Variants in SLC39A9 observed in about 807,000 individuals in gnomAD.
SLC39A9 encodes solute carrier family 39 member 9.
Under a neutral mutation model 28.4 loss-of-function variants are expected in SLC39A9, and 14 were observed. The observed-to-expected ratio is 0.49, with a 90% CI of 0.33 to 0.77. The LOEUF is 0.77. Among genes scored for constraint, SLC39A9 ranks in the 30% least tolerant of loss-of-function variants. The pLI is 0.02. For synonymous variants in SLC39A9, 119 were observed against 149.6 expected, an observed-to-expected ratio of 0.80 and a Z score of 1.49; for missense variants, 283 against 381.1, an observed-to-expected ratio of 0.74 and a Z score of 2.14.
chr14:69,418,361 G>A (rs1883687437), intron 1 of SLC39A9, among the ~76,000 whole-genome samples: 1 of 151,870 alleles, frequency 6.6e-6, no homozygotes, highest in African/African-American at 2.4e-5. Context: ...GCTGCATTTG[G>A]TTTGCATCCT....
intron 4 of SLC39A9, 141 bp downstream of exon 4, chr14:69,453,450 C>G (rs144985312): frequency 4.3e-5 from 28 of 657,808 alleles, no homozygotes; most frequent in African/African-American, 4.0e-4. Context: ...TCCTCCAACA[C>G]AAGCACAAGC....
intron 6 of SLC39A9, among the ~76,000 whole-genome samples, chr14:69,457,205 C>T (rs910252619): frequency 6.6e-6 from 1 of 151,316 alleles, no homozygotes; most frequent in African/African-American, 2.4e-5. Flanking sequence ...CACACACACA[C>T]ATTTTTTTTT....
intron 1 of SLC39A9, 82 bp from the exon 2 acceptor site, chr14:69,424,012 C>T (rs1884047982): frequency 1.1e-6 from 1 of 932,230 alleles, no homozygotes; most frequent in Non-Finnish European, 1.7e-6. Context: ...GAGCAGCTCA[C>T]AGTCTTGATT....
intron 3 of SLC39A9, 53 bp downstream of exon 3, chr14:69,442,319 G>A: frequency 6.6e-7 from 1 of 1,522,642 alleles, no homozygotes; most frequent in African/African-American, 1.4e-5. Flanking sequence ...AGTTGAGAAA[G>A]TTACAAACGA....
At chr14:69,439,339 A>G (rs1566920052) in intron 2 of SLC39A9, among the ~76,000 whole-genome samples, 1 of 152,192 alleles carries the variant, frequency 6.6e-6, no homozygotes, top group African/African-American at 2.4e-5. Context: ...AATTTTTAAA[A>G]AAATAATAAT....
intron 2 of SLC39A9, 102 bp from the exon 3 acceptor site, chr14:69,441,967 A>T (rs933113284): frequency 6.8e-7 from 1 of 1,474,518 alleles, no homozygotes; most frequent in Non-Finnish European, 8.9e-7. Flanking sequence ...ATGTCTTTAC[A>T]GTAAAGTAAG....
chr14:69,428,075 C>T (rs1280491821), intron 2 of SLC39A9, among the ~76,000 whole-genome samples: 2 of 152,206 alleles, frequency 1.3e-5, no homozygotes, highest in East Asian at 3.9e-4. Context: ...GTCAAGAGAT[C>T]GAGACCATCC....
chr14:69,430,630 T>TTC (rs1424739755), intron 2 of SLC39A9, among the ~76,000 whole-genome samples: 5 of 148,812 alleles, frequency 3.4e-5, no homozygotes, highest in East Asian at 2.0e-4. Flanking sequence ...TTTTCTTTCT[T>TTC]TTTTTTTTTT....
intron 3 of SLC39A9, among the ~76,000 whole-genome samples, chr14:69,450,673 G>A (rs1230208870): frequency 3.3e-5 from 5 of 152,152 alleles, no homozygotes; most frequent in African/African-American, 7.2e-5. Context: ...AGCTACTCAG[G>A]TGGCTGAGAT....
chr14:69,455,731 G>T lies in SLC39A9; in HGVS notation c.559-1G>T. The T allele has an allele frequency of 6.2e-7, 1 of 1,613,860 alleles. No homozygotes were observed. Among genetic ancestry groups the T allele is most frequent in the Non-Finnish European group, 8.5e-7 (1 of 1,179,932 alleles). On this transcript the variant is annotated splice_acceptor_variant, in intron 5 of 6. Transcript: ENST00000336643. LOFTEE classifies it high-confidence loss of function. ...AATAAGAGATGATTTTTTATTTCCAGGCACCAGCTGCTTTTGGACTGGTTT... is the reference window on the plus strand; with the variant it reads ...AATAAGAGATGATTTTTTATTTCCATGCACCAGCTGCTTTTGGACTGGTTT...
At chr14:69,458,341 CT>C in intron 6 of SLC39A9, 21 bp from the exon 7 acceptor site, 2 of 1,609,630 alleles carry the variant, frequency 1.2e-6, no homozygotes, top group South Asian at 1.1e-5. Flanking sequence ...AGTTTTTCCT[CT>C]TTCTCTCTTC....
intron 1 of SLC39A9, among the ~76,000 whole-genome samples, chr14:69,418,882 A>G (rs1305051772): frequency 6.6e-6 from 1 of 152,062 alleles, no homozygotes; most frequent in African/African-American, 2.4e-5. Context: ...TATTGCATCT[A>G]TTTGATTCAT....
At chr14:69,415,954 G>T (rs1883552645) in intron 1 of SLC39A9, among the ~76,000 whole-genome samples, 1 of 151,994 alleles carries the variant, frequency 6.6e-6, no homozygotes, top group South Asian at 2.1e-4. Flanking sequence ...AAGTTATAGG[G>T]TACATGTGCA....
intron 1 of SLC39A9, 107 bp from the exon 2 acceptor site, chr14:69,423,987 G>T: frequency 1.5e-6 from 1 of 681,942 alleles, no homozygotes; most frequent in Non-Finnish European, 2.6e-6. Flanking sequence ...TATTGTAGAT[G>T]TTGGTCTCAC....
chr14:69,399,497 A>G, intron 1 of SLC39A9, 32 bp downstream of exon 1: 2 of 1,583,254 alleles, frequency 1.3e-6, no homozygotes, highest in Non-Finnish European at 8.7e-7. Context: ...GTCAGCTGTC[A>G]GGATGGCTGT....
chr14:69,432,723 T>A (rs1197496717), intron 2 of SLC39A9, among the ~76,000 whole-genome samples: 3 of 152,320 alleles, frequency 2.0e-5, no homozygotes, highest in East Asian at 3.9e-4. Context: ...TTAGTTTTTG[T>A]ATTTGGTAAA....
intron 1 of SLC39A9, among the ~76,000 whole-genome samples, chr14:69,416,537 G>T (rs1361182719): frequency 6.6e-6 from 1 of 152,170 alleles, no homozygotes; most frequent in Non-Finnish European, 1.5e-5. Flanking sequence ...GATCCTTGAG[G>T]AATCACCACA....
At chr14:69,407,307 C>T (rs1305794860) in intron 1 of SLC39A9, among the ~76,000 whole-genome samples, 1 of 142,822 alleles carries the variant, frequency 7.0e-6, no homozygotes, top group East Asian at 2.0e-4. Context: ...TCCTTCCCTT[C>T]CTTCCTTCCT....
chr14:69,410,744 CTT>C (rs1450122309), intron 1 of SLC39A9, among the ~76,000 whole-genome samples: 8 of 151,740 alleles, frequency 5.3e-5, no homozygotes, highest in Admixed American at 5.3e-4. Context: ...ACAAGAGTTA[CTT>C]CATAGCCTGT....
Sources: gnomAD v4.1 joint callset for allele counts (sites outside exome capture counted in the v4.1 genomes callset) on GRCh38, gnomAD v4.1.1 for gene constraint, MANE v1.5 for transcripts, NCBI Gene and HGNC (gene_info 2026-07-23, HGNC 2026-07-21) for gene names.